The following GPR176 variants were observed in gnomAD, a reference collection of about 807,000 sequenced individuals.
GPR176 encodes the protein G protein-coupled receptor 176, also known as G-protein coupled receptor 176.
In GPR176, 26 loss-of-function variants were observed where a neutral mutation model predicts 35.4. The observed-to-expected ratio is 0.74, with a 90% CI of 0.54 to 1.02. GPR176 has a LOEUF of 1.02. Among genes scored for constraint, GPR176 ranks in the 50% least tolerant of loss-of-function variants. The pLI, the probability that GPR176 is intolerant of heterozygous loss-of-function variation, is 0.00. For missense variants in GPR176, 597 were observed against 665.3 expected (o/e 0.90, Z 1.13); for synonymous variants, 278 against 271.3 (o/e 1.02, Z -0.24).
intron 1 of GPR176, among the ~76,000 whole-genome samples, chr15:39,893,261 T>A (rs1465437439): frequency 1.3e-5 from 2 of 152,132 alleles, no homozygotes; most frequent in African/African-American, 4.8e-5. Context: ...CCTTCCGCAG[T>A]GTTTGTGTCC....
chr15:39,916,451 T>A (rs897013776), intron 1 of GPR176, among the ~76,000 whole-genome samples: 1 of 152,192 alleles, frequency 6.6e-6, no homozygotes, highest in East Asian at 1.9e-4. Context: ...CAGCAAATAA[T>A]GTTCCTTCTG....
Position 39,920,064 on chromosome 15 carries a change from T to C in GPR176, c.-38A>G. 7.9e-7 allele frequency: 1 copy of C among 1,270,134 alleles called. No homozygotes were observed. Among genetic ancestry groups the C allele is most frequent in the Non-Finnish European group, 1.0e-6 (1 of 998,816 alleles). 78.7% of individuals were successfully genotyped at this position (1,270,134 alleles called of 1,614,324 possible). ...ACTCCGGCTCCGCGCGCCGCCCGCC[T>C]CGGAGCCCCGCGCGGAGCCTCTCCT... On this transcript the variant is annotated 5_prime_UTR_variant, in exon 1 of 3. Transcript: ENST00000561100.
intron 1 of GPR176, among the ~76,000 whole-genome samples, chr15:39,831,452 A>G (rs546071268): frequency 1.8e-4 from 27 of 152,230 alleles, no homozygotes; most frequent in Non-Finnish European, 2.9e-4. Context: ...TGCCTCACAG[A>G]CACCTCAAAG....
At chr15:39,904,369 AT>A (rs1352512878) in intron 1 of GPR176, among the ~76,000 whole-genome samples, 1 of 152,236 alleles carries the variant, frequency 6.6e-6, no homozygotes, top group Non-Finnish European at 1.5e-5. Flanking sequence ...CTACCAAGGC[AT>A]CAAGATATAA....
At chr15:39,860,703 T>G (rs1444616163) in intron 1 of GPR176, 1 of 152,232 alleles carries the variant, frequency 6.6e-6, no homozygotes, top group African/African-American at 2.4e-5. Context: ...TTAGACCTGC[T>G]TGCCGATGAG....
intron 1 of GPR176, among the ~76,000 whole-genome samples, chr15:39,891,374 T>C (rs1275828677): frequency 1.3e-5 from 2 of 152,216 alleles, no homozygotes; most frequent in Admixed American, 1.3e-4. Context: ...TTTTTTGTTG[T>C]TAAAGATGAG....
intron 1 of GPR176, among the ~76,000 whole-genome samples, chr15:39,827,179 T>C (rs1394176806): frequency 1.3e-5 from 2 of 152,198 alleles, no homozygotes; most frequent in Non-Finnish European, 2.9e-5. Context: ...AGCATGAATA[T>C]ATATGAAAGG....
intron 1 of GPR176, 140 bp downstream of exon 1, chr15:39,919,715 C>T (rs2033823133): frequency 8.9e-6 from 5 of 564,348 alleles, no homozygotes; most frequent in African/African-American, 7.9e-5. Context: ...TGCAGCTACC[C>T]GGGATCCTTA....
chr15:39,897,599 A>AT (rs386382791), intron 1 of GPR176, among the ~76,000 whole-genome samples: 2,866 of 88,536 alleles, frequency 0.032, 229 homozygotes, highest in African/African-American at 0.077. Context: ...ACATCCAAAT[A>AT]TTTTTTTTTT....
chr15:39,866,260 G>A (rs1301769049), intron 1 of GPR176, among the ~76,000 whole-genome samples: 1 of 152,086 alleles, frequency 6.6e-6, no homozygotes, highest in African/African-American at 2.4e-5. Flanking sequence ...GCTGTGGAAA[G>A]GACAGGCTGG....
chr15:39,842,656 T>C (rs951283724), intron 1 of GPR176, among the ~76,000 whole-genome samples: 1 of 152,120 alleles, frequency 6.6e-6, no homozygotes, highest in African/African-American at 2.4e-5. Context: ...TGGCCATCTA[T>C]GAAGCAGGAC....
intron 1 of GPR176, among the ~76,000 whole-genome samples, chr15:39,879,732 G>A (rs2032399582): frequency 6.6e-6 from 1 of 152,042 alleles, no homozygotes; most frequent in African/African-American, 2.4e-5. Flanking sequence ...CTCGAAGTTG[G>A]GAATAAGGTC....
chr15:39,811,787 G>A (rs996706086), intron 1 of GPR176, among the ~76,000 whole-genome samples: 4 of 152,036 alleles, frequency 2.6e-5, no homozygotes, highest in Non-Finnish European at 5.9e-5. Flanking sequence ...GTAGTAGTGG[G>A]TGCCTGTAGT....
intron 1 of GPR176, among the ~76,000 whole-genome samples, chr15:39,866,398 A>G (rs2031830671): frequency 6.6e-6 from 1 of 152,202 alleles, no homozygotes; most frequent in South Asian, 2.1e-4. Flanking sequence ...AACAAAAACA[A>G]GTAAATGTAA....
chr15:39,879,385 G>A (rs1410245753), intron 1 of GPR176, among the ~76,000 whole-genome samples: 3 of 152,188 alleles, frequency 2.0e-5, no homozygotes, highest in African/African-American at 7.2e-5. Flanking sequence ...CAGGTCAGTG[G>A]TCATCAGCTG....
chr15:39,816,229 A>G (rs1899896179), intron 1 of GPR176, among the ~76,000 whole-genome samples: 1 of 152,224 alleles, frequency 6.6e-6, no homozygotes, highest in Non-Finnish European at 1.5e-5. Context: ...TGGTGACTAC[A>G]GTAAGCAATA....
intron 1 of GPR176, among the ~76,000 whole-genome samples, chr15:39,810,014 G>A (rs781292879): frequency 2.0e-5 from 3 of 151,984 alleles, no homozygotes; most frequent in African/African-American, 2.4e-5. Context: ...GCGTGGTTGC[G>A]GGCGCCTATA....
chr15:39,919,783 G>A lies in GPR176; in HGVS notation c.172+72C>T, dbSNP rs1595531818. 3.2e-6 allele frequency: 4 copies of A among 1,234,942 alleles called. No homozygotes were observed. In the East Asian group the frequency reaches 1.3e-4, roughly 39 times the overall value. 76.5% of individuals were successfully genotyped at this position (1,234,942 alleles called of 1,614,324 possible). On this transcript the variant is annotated intron_variant, in intron 1 of 2. Coordinates refer to ENST00000561100, the MANE Select transcript of GPR176 (RefSeq NM_007223.3). ...ACCCGAAACCCACGGCGGCTGGGCGGCCCTGCTCCCGGCTCTCCGAGCCTG... is the reference window on the plus strand; with the variant it reads ...ACCCGAAACCCACGGCGGCTGGGCGACCCTGCTCCCGGCTCTCCGAGCCTG...
intron 1 of GPR176, among the ~76,000 whole-genome samples, chr15:39,817,585 G>A (rs558644212): frequency 1.3e-5 from 2 of 152,298 alleles, no homozygotes; most frequent in South Asian, 4.2e-4. Context: ...TTGCAGCATC[G>A]TGATGGAATG....
Sources: allele counts gnomAD v4.1 joint callset (sites outside exome capture counted in the v4.1 genomes callset), GRCh38; gene constraint gnomAD v4.1.1; transcripts MANE v1.5; gene names NCBI Gene and HGNC (gene_info 2026-07-23, HGNC 2026-07-21).